Variants in EHBP1L1 observed in about 807,000 individuals in gnomAD.
The protein encoded by EHBP1L1 is EH domain binding protein 1 like 1, also known as EH domain-binding protein 1-like protein 1.
In EHBP1L1, 122 loss-of-function variants were observed where a neutral mutation model predicts 151.1. That is an observed-to-expected ratio of 0.81 (90% confidence interval 0.70 to 0.94). EHBP1L1 has a LOEUF of 0.94. Ranked by LOEUF, EHBP1L1 falls within the 40% of genes least tolerant of loss-of-function variation. The pLI, the probability that EHBP1L1 is intolerant of heterozygous loss-of-function variation, is 0.00. For missense variants in EHBP1L1, 1,941 were observed against 1,959.8 expected (o/e 0.99, Z 0.18); for synonymous variants, 878 against 810.1 (o/e 1.08, Z -1.42).
At chr11:65,587,711 A>AGGCCCCAAGGGTGTGACT (rs1344501165) in intron 12 of EHBP1L1, among the ~76,000 whole-genome samples, 4 of 152,162 alleles carry the variant, frequency 2.6e-5, no homozygotes, top group Non-Finnish European at 5.9e-5. Context: ...ACACAAACAG[A>AGGCCCCAAGGGTGTGACT]GGCCCCAAGG....
chr11:65,582,947 T>C lies in EHBP1L1; in HGVS notation c.2275T>C (p.Leu759=), dbSNP rs775378277. 3 of 1,612,934 alleles carry C rather than the reference T, an allele frequency of 1.9e-6. No homozygotes were observed. Among genetic ancestry groups the C allele is most frequent in the East Asian group, 2.2e-5 (1 of 44,864 alleles). The change falls in exon 9 of 19, where the codon TTG becomes CTG. Residue 759 remains leucine, a synonymous_variant. Transcript: ENST00000309295. Reference sequence around the variant, plus strand: ...AGCCCAGGAGATAGAGGTGGGACTTTTGGGGGTTCTGGGAATAGAGACTGG... The same window carrying C: ...AGCCCAGGAGATAGAGGTGGGACTTCTGGGGGTTCTGGGAATAGAGACTGG... The part of the protein sequence containing the change: ...LVAQEIEVGL[L]GVLGIETGAA...
intron 16 of EHBP1L1, 27 bp from the exon 17 acceptor site, chr11:65,591,773 C>CCG: frequency 9.1e-7 from 1 of 1,093,504 alleles, no homozygotes; most frequent in Admixed American, 2.0e-5. Flanking sequence ...GCCACCCCCC[C>CCG]GCCACCCACC....
intron 6 of EHBP1L1, 123 bp from the exon 7 acceptor site, chr11:65,580,935 C>T (rs983179130): frequency 1.2e-4 from 174 of 1,455,380 alleles, no homozygotes; most frequent in East Asian, 1.5e-4. Context: ...CAGGCCGGGG[C>T]GGTGCCCTGA....
In EHBP1L1 at chr11:65,585,069, C is replaced by T. The variant is rs1857873350; in HGVS notation, c.3411C>T (p.Ile1137=). 6.5e-7 allele frequency: 1 copy of T among 1,543,822 alleles called. No individual in the cohort carries two copies. Among genetic ancestry groups the T allele is most frequent in the Non-Finnish European group, 8.7e-7 (1 of 1,152,630 alleles). The part of the protein sequence containing the change: ...KLIVMTYLCQ[I]RAFCTGQELQ... ...TCGTCATGACGTACCTGTGCCAGAT[C>T]CGCGCCTTCTGCACCGGGCAGGAGC... The change falls in exon 12 of 19, where the codon ATC becomes ATT. Residue 1137 remains isoleucine, a synonymous_variant. Transcript: ENST00000309295. This position sits in a 1 kb window ranked among gnomAD's most constrained non-coding sequence, Gnocchi z 4.0.
At chr11:65,586,681 A>G (rs1857980568) in intron 12 of EHBP1L1, among the ~76,000 whole-genome samples, 1 of 152,218 alleles carries the variant, frequency 6.6e-6, no homozygotes, top group Non-Finnish European at 1.5e-5. Context: ...TCCTGGGTGT[A>G]GGGTCAGAGG....
At chr11:65,584,449 G>C (rs749768427) in intron 10 of EHBP1L1, 37 bp from the exon 11 acceptor site, 2 of 1,613,468 alleles carry the variant, frequency 1.2e-6, no homozygotes, top group Admixed American at 3.3e-5. Flanking sequence ...AGGGAGGGCA[G>C]TGTGGACCCA....
Position 65,581,301 on chromosome 11 carries a change from A to C in EHBP1L1, c.794A>C (p.Glu265Ala), listed in dbSNP as rs754213202. 1 of 1,611,772 alleles carries C rather than the reference A, an allele frequency of 6.2e-7. No homozygotes were observed. Among genetic ancestry groups the C allele is most frequent in the Non-Finnish European group, 8.5e-7 (1 of 1,179,458 alleles). ...PARTSRGQGS[E>A]RANEAGGQVG... Reference sequence around the variant, plus strand: ...AGAACCTCCCGAGGCCAGGGGTCAGAACGAGCTAATGAAGCGGGGGGCCAG... The same window carrying C: ...AGAACCTCCCGAGGCCAGGGGTCAGCACGAGCTAATGAAGCGGGGGGCCAG... The change falls in exon 8 of 19, where the codon GAA becomes GCA. Residue 265 changes from glutamate to alanine, a missense_variant. Physicochemically the swap from Glu to Ala is moderately radical, Grantham distance 107. Coordinates refer to ENST00000309295, the MANE Select transcript of EHBP1L1 (RefSeq NM_001099409.3).
rs1857929865 is a variant in EHBP1L1, at chr11:65,585,609, T to C, written c.3933+18T>C. On this transcript the variant is annotated intron_variant, in intron 12 of 18. Coordinates refer to ENST00000309295, the MANE Select transcript of EHBP1L1 (RefSeq NM_001099409.3). This position sits in a 1 kb window ranked among gnomAD's most constrained non-coding sequence, Gnocchi z 4.0. ...CGGCTGCAGTGAGTGTCAAGGTCCT[T>C]CTTTCTTCCCCCGCCGCAGCGCGGG... 2.6e-6 allele frequency: 4 copies of C among 1,557,176 alleles called. No individual in the cohort carries two copies. In the Admixed American group the frequency reaches 7.3e-5, roughly 29 times the overall value.
rs377366932 is a variant in EHBP1L1 at position 65,579,433 on chromosome 11, C to T, written c.255C>T (p.Tyr85=). ...PENVDISVTL[Y]RDPHVDQYEA... is the part of the protein sequence containing the mutation. ...ATGTGGACATCTCTGTGACCCTCTA[C>T]AGGGTGAGTCTCTAGCCCTCCAGCA... Residue 85 remains tyrosine, a synonymous_variant, in exon 3 of 19, where the codon TAC becomes TAT. Coordinates refer to ENST00000309295, the MANE Select transcript of EHBP1L1 (RefSeq NM_001099409.3). 14 of 1,521,306 alleles carry T rather than the reference C, an allele frequency of 9.2e-6. No individual in the cohort carries two copies. The African/African-American group carries it at 1.8e-4, about 20-fold the overall frequency. 94.2% of individuals were successfully genotyped at this position (1,521,306 alleles called of 1,614,324 possible).
At chr11:65,589,459 A>G (rs1362097127) in intron 12 of EHBP1L1, among the ~76,000 whole-genome samples, 1 of 152,036 alleles carries the variant, frequency 6.6e-6, no homozygotes, top group Non-Finnish European at 1.5e-5. Context: ...GTGAGGCCGG[A>G]GCTCAGCCCA....
intron 18 of EHBP1L1, 53 bp downstream of exon 18, chr11:65,592,143 G>T: frequency 6.2e-7 from 1 of 1,609,386 alleles, no homozygotes. Context: ...ACTTGCTCCC[G>T]CAGAGGGCTG....
Position 65,585,604 on chromosome 11 carries a change from G to C in EHBP1L1, c.3933+13G>C. On this transcript the variant is annotated intron_variant, in intron 12 of 18. Coordinates refer to ENST00000309295, the MANE Select transcript of EHBP1L1 (RefSeq NM_001099409.3). This position sits in a 1 kb window ranked among gnomAD's most constrained non-coding sequence, Gnocchi z 4.0. The stretch of plus-strand genomic sequence containing the variant: ...AGCTGCGGCTGCAGTGAGTGTCAAG[G>C]TCCTTCTTTCTTCCCCCGCCGCAGC... 6.4e-7 allele frequency: 1 copy of C among 1,563,152 alleles called. No homozygotes were observed. The highest frequency in any genetic ancestry group is 1.2e-5 in the South Asian group (1 of 86,592).
chr11:65,588,263 C>T (rs780791535), intron 12 of EHBP1L1, among the ~76,000 whole-genome samples: 25 of 152,242 alleles, frequency 1.6e-4, no homozygotes, highest in Non-Finnish European at 8.8e-5. Flanking sequence ...TGGAAGCTGA[C>T]TCCAGGCTGA....
Position 65,591,895 on chromosome 11 carries a change from C to CGGGAGGCAAGACAGAGCCAGGG in EHBP1L1, c.4357+23_4357+44dup, listed in dbSNP as rs766540213. ...GAAGGTGGGACATGGGCTCAGGGGCCGGGAGGCAAGACAGAGCCAGGGTGG... is the reference window on the plus strand; with the variant it reads ...GAAGGTGGGACATGGGCTCAGGGGCCGGGAGGCAAGACAGAGCCAGGGGGGAGGCAAGACAGAGCCAGGGTGG... On this transcript the variant is annotated intron_variant, in intron 17 of 18. Coordinates refer to ENST00000309295, the MANE Select transcript of EHBP1L1 (RefSeq NM_001099409.3). 5.6e-6 allele frequency: 9 copies of CGGGAGGCAAGACAGAGCCAGGG among 1,603,496 alleles called. No homozygotes were observed. The East Asian group carries it at 2.0e-4, about 36-fold the overall frequency.
At chr11:65,580,543 C>T in intron 6 of EHBP1L1, 64 bp downstream of exon 6, 2 of 1,567,242 alleles carry the variant, frequency 1.3e-6, no homozygotes, top group Admixed American at 1.8e-5. Context: ...TTACCCGGGC[C>T]ACCAGCCACT....
At chr11:65,588,436 G>A (rs1311874956) in intron 12 of EHBP1L1, among the ~76,000 whole-genome samples, 1 of 152,190 alleles carries the variant, frequency 6.6e-6, no homozygotes, top group African/African-American at 2.4e-5. Context: ...GGGTGAAGGT[G>A]TCAGAGAGGC....
chr11:65,582,128 G>T lies in EHBP1L1; in HGVS notation c.1456G>T (p.Ala486Ser), dbSNP rs1313966744. 1 of 1,595,034 alleles carries T rather than the reference G, an allele frequency of 6.3e-7. No individual in the cohort carries two copies. The highest frequency in any genetic ancestry group is 1.3e-5 in the African/African-American group (1 of 74,162). ...CCTGAGCCTGCCCCCAGCGGAGCCTGCAGGGCACTCTGGGCAACTTGGTGA... is the reference window on the plus strand; with the variant it reads ...CCTGAGCCTGCCCCCAGCGGAGCCTTCAGGGCACTCTGGGCAACTTGGTGA... ...SGLSLPPAEP[A>S]GHSGQLGDLE... is the part of the protein sequence containing the mutation. The change falls in exon 9 of 19, where the codon GCA (alanine) becomes TCA (serine). Residue 486 changes from alanine (A) to serine (S), a missense_variant. Transcript: ENST00000309295.
chr11:65,576,075 C>T lies in EHBP1L1; in HGVS notation c.-228C>T, dbSNP rs1857308824. ...TCCAGGAAACGGCGCGCTCCCAGCT[C>T]CGCGCTCGCCACCCGACGCGCCCCA... On this transcript the variant is annotated 5_prime_UTR_variant, in exon 1 of 19. Coordinates refer to ENST00000309295, the MANE Select transcript of EHBP1L1 (RefSeq NM_001099409.3). The T allele has an allele frequency of 6.4e-6, 2 of 310,724 alleles. No homozygotes were observed. The highest frequency in any genetic ancestry group is 3.1e-4 in the South Asian group (2 of 6,384). 19.2% of individuals were successfully genotyped at this position (310,724 alleles called of 1,614,324 possible).
chr11:65,584,011 G>T (rs950039074), intron 9 of EHBP1L1: 9 of 1,406,516 alleles, frequency 6.4e-6, no homozygotes, highest in African/African-American at 4.3e-5. Flanking sequence ...AGGTGTGGCT[G>T]CTGGTGACCT....
Sources: gnomAD v4.1 joint callset for allele counts (sites outside exome capture counted in the v4.1 genomes callset) on GRCh38, gnomAD v4.1.1 for gene constraint, Gnocchi (gnomAD v3.1) non-coding constraint, MANE v1.5 for transcripts, NCBI Gene and HGNC (gene_info 2026-07-23, HGNC 2026-07-21) for gene names.